Variants in SP140 observed in about 807,000 individuals in gnomAD.
The protein encoded by SP140 is nuclear body protein SP140.
In SP140, 81 loss-of-function variants were observed where a neutral mutation model predicts 125.0. The ratio of observed to expected loss-of-function variants is 0.65; its 90% confidence interval spans 0.54 to 0.78. SP140 has a LOEUF of 0.78. SP140 is among the 30% of genes least tolerant of loss of function. The pLI is 0.00. For synonymous variants in SP140, 312 were observed against 354.0 expected (o/e 0.88, Z 1.33); for missense variants, 858 against 1,037.0 (o/e 0.83, Z 2.37).
intron 3 of SP140, among the ~76,000 whole-genome samples, chr2:230,217,114 C>T (rs1467549091): frequency 2.6e-5 from 4 of 151,910 alleles, no homozygotes; most frequent in African/African-American, 7.3e-5. Context: ...GGTGTGGTGG[C>T]GCACGCCTGT....
At chr2:230,218,438 G>A (rs561750836) in intron 3 of SP140, among the ~76,000 whole-genome samples, 32 of 152,330 alleles carry the variant, frequency 2.1e-4, no homozygotes, top group Non-Finnish European at 2.9e-4. Context: ...GGAAGATAGA[G>A]AACAGATAGG....
intron 11 of SP140, 31 bp downstream of exon 11, chr2:230,253,448 AGTACATCTTTGTTTTCCAGTTGG>A (rs763705910): frequency 1.3e-6 from 2 of 1,514,210 alleles, no homozygotes; most frequent in Non-Finnish European, 1.8e-6. Flanking sequence ...TAGGTATTTG[AGTACATCTTTGTTTTCCAGTTGG>A]CATGGGAAAA....
chr2:230,201,087 C>T, upstream of SP140: 2 of 782,092 alleles, frequency 2.6e-6, no homozygotes, highest in Non-Finnish European at 4.6e-6. Context: ...TCTTACCCTC[C>T]TAACAATGCA....
In SP140 at chr2:230,215,270, G is replaced by A. The variant is rs371002285; in HGVS notation, c.-91+1196G>A. 9.7e-4 allele frequency: 642 copies of A among 664,858 alleles called. 9 individuals are homozygous for A. In the South Asian group the frequency reaches 0.011, roughly 11 times the overall value. The allele number at this position is 664,858 out of a possible 1,614,324, so 41.2% of individuals were successfully genotyped here. A position where few individuals can be genotyped will look rare whatever the true frequency, so the allele number is the denominator to read the frequency against. On this transcript the variant is annotated intron_variant, in intron 3 of 4. Coordinates refer to the SP140 transcript ENST00000456542. ...ATAGTCACATTCTCTAAGGTAGAGCGGTCACAGTTTTACATGCTTATTTTT... is the reference window on the plus strand; with the variant it reads ...ATAGTCACATTCTCTAAGGTAGAGCAGTCACAGTTTTACATGCTTATTTTT...
At chr2:230,307,917 GA>G (rs1234264484) in intron 22 of SP140, among the ~76,000 whole-genome samples, 4 of 130,388 alleles carry the variant, frequency 3.1e-5, no homozygotes, top group African/African-American at 1.1e-4. Context: ...CTACCTAGTG[GA>G]AAAAAAGTTA....
At chr2:230,239,714 G>C (rs973393686) in intron 3 of SP140, among the ~76,000 whole-genome samples, 2 of 152,202 alleles carry the variant, frequency 1.3e-5, no homozygotes, top group Non-Finnish European at 2.9e-5. Context: ...TTCCCCAAAT[G>C]CTGGGATTAC....
chr2:230,214,724 G>C (rs2044910027), intron 3 of SP140, among the ~76,000 whole-genome samples: 1 of 151,984 alleles, frequency 6.6e-6, no homozygotes, highest in African/African-American at 2.4e-5. Flanking sequence ...CAAATTCATA[G>C]AACACATAAG....
chr2:230,259,091 T>A (rs1321277343), intron 12 of SP140, among the ~76,000 whole-genome samples: 1 of 152,140 alleles, frequency 6.6e-6, no homozygotes, highest in Non-Finnish European at 1.5e-5. Context: ...GTTTATTTAT[T>A]TATTTATTTA....
chr2:230,269,406 A>G (rs2053599577), intron 12 of SP140, 126 bp from the exon 13 acceptor site: 3 of 677,386 alleles, frequency 4.4e-6, no homozygotes, highest in Non-Finnish European at 8.1e-6. Context: ...TGGAGCAGGT[A>G]TATTTTTTTC....
chr2:230,204,954 G>T (rs1183240255), intron 1 of SP140, among the ~76,000 whole-genome samples: 1 of 152,170 alleles, frequency 6.6e-6, no homozygotes, highest in African/African-American at 2.4e-5. Flanking sequence ...GTGGTTGACT[G>T]GAGTTTTGAG....
intron 22 of SP140, among the ~76,000 whole-genome samples, chr2:230,309,422 C>T (rs540089902): frequency 2.2e-4 from 34 of 152,274 alleles, no homozygotes; most frequent in African/African-American, 7.2e-4. Context: ...AGGCACAAAA[C>T]GTACAGTCTA....
At chr2:230,298,269 T>C (rs2057945813) in intron 22 of SP140, among the ~76,000 whole-genome samples, 1 of 152,198 alleles carries the variant, frequency 6.6e-6, no homozygotes, top group African/African-American at 2.4e-5. Context: ...TGCAGTGAGA[T>C]GTCTGTTTTA....
intron 3 of SP140, chr2:230,217,071 C>T (rs916965492): frequency 6.3e-6 from 4 of 639,722 alleles, no homozygotes; most frequent in Non-Finnish European, 1.1e-5. Context: ...CATGGTGAAA[C>T]TCTGTCTCTA....
chr2:230,308,436 T>C (rs2059021888), intron 22 of SP140, among the ~76,000 whole-genome samples: 2 of 152,334 alleles, frequency 1.3e-5, no homozygotes, highest in Non-Finnish European at 2.9e-5. Context: ...AAACATTTGG[T>C]ACTTCATTCC....
At chr2:230,267,869 C>G (rs908252862) in intron 12 of SP140, among the ~76,000 whole-genome samples, 1 of 152,184 alleles carries the variant, frequency 6.6e-6, no homozygotes, top group Non-Finnish European at 1.5e-5. Context: ...TGACAAGACA[C>G]TAGGTGCCCT....
chr2:230,195,254 C>T, the SP140 span, among the ~76,000 whole-genome samples: 1 of 152,068 alleles, frequency 6.6e-6, no homozygotes, highest in Admixed American at 6.6e-5. Flanking sequence ...AAAAAGTACT[C>T]CATTTTAGCT....
At chr2:230,264,731 ATTG>A (rs989297260) in intron 12 of SP140, among the ~76,000 whole-genome samples, 1 of 152,114 alleles carries the variant, frequency 6.6e-6, no homozygotes, top group Non-Finnish European at 1.5e-5. Context: ...AACTGCAGTA[ATTG>A]TTGTCTCTTT....
At chr2:230,266,044 C>T (rs1447522104) in intron 12 of SP140, among the ~76,000 whole-genome samples, 1 of 151,930 alleles carries the variant, frequency 6.6e-6, no homozygotes, top group Admixed American at 6.5e-5. Flanking sequence ...TGAGAATGGC[C>T]CCAAGATATT....
chr2:230,196,267 T>C, the SP140 span, among the ~76,000 whole-genome samples: 1 of 152,186 alleles, frequency 6.6e-6, no homozygotes, highest in Non-Finnish European at 1.5e-5. Flanking sequence ...ACAAACCTGA[T>C]TTCTATTTTC....
Sources: gnomAD v4.1 joint callset for allele counts (sites outside exome capture counted in the v4.1 genomes callset) on GRCh38, gnomAD v4.1.1 for gene constraint, MANE v1.5 for transcripts, NCBI Gene and HGNC (gene_info 2026-07-23, HGNC 2026-07-21) for gene names.